The following RNF216 variants were observed in gnomAD, a reference collection of about 807,000 sequenced individuals.
The protein encoded by RNF216 is E3 ubiquitin-protein ligase RNF216.
In RNF216, 72 loss-of-function variants were observed where a neutral mutation model predicts 110.8. The ratio of observed to expected loss-of-function variants is 0.65; its 90% CI spans 0.54 to 0.79. The LOEUF is 0.79. RNF216 is among the 30% of genes least tolerant of loss of function. The pLI is 0.00. For missense variants in RNF216, 1,342 were observed against 1,141.2 expected (o/e 1.18, Z -2.54); for synonymous variants, 495 against 407.5 (o/e 1.21, Z -2.59).
At chr7:5,647,404 G>T (rs1224684203) in intron 14 of RNF216, among the ~76,000 whole-genome samples, 1 of 145,926 alleles carries the variant, frequency 6.9e-6, no homozygotes, top group Non-Finnish European at 1.5e-5. Flanking sequence ...TACAATCATG[G>T]CTTACTGCGG....
Position 5,751,756 on chromosome 7 carries a change from C to T in RNF216, c.201+1090G>A, listed in dbSNP as rs1795337194. On this transcript the variant is annotated intron_variant, in intron 3 of 16. Coordinates refer to ENST00000389902, the MANE Select transcript of RNF216 (RefSeq NM_207111.4). ...ACTTCTCCTCAGCTCAGTGGAACAC[C>T]TACTGAATTTTATGGAAGGAAGTGT... is the stretch of plus-strand genomic sequence containing the variant. 2.8e-5 allele frequency among the ~76,000 whole-genome samples: 4 copies of T among 142,626 alleles called. No homozygotes were observed. The South Asian group carries it at 6.7e-4, about 24-fold the overall frequency. 93.6% of individuals were successfully genotyped at this position (142,626 alleles called of 152,430 possible).
intron 1 of RNF216, among the ~76,000 whole-genome samples, chr7:5,764,758 A>C (rs922073690): frequency 6.6e-6 from 1 of 152,150 alleles, no homozygotes; most frequent in Non-Finnish European, 1.5e-5. Context: ...ATGATCCCTT[A>C]AATTCTTTTT....
chr7:5,680,009 G>A lies in RNF216; in HGVS notation c.2062-27499C>T, dbSNP rs1790547462. 6.6e-6 allele frequency among the ~76,000 whole-genome samples: 1 copy of A among 152,162 alleles called. No individual in the cohort carries two copies. Among genetic ancestry groups the A allele is most frequent in the African/African-American group, 2.4e-5 (1 of 41,426 alleles). On this transcript the variant is annotated intron_variant, in intron 13 of 16. Coordinates refer to ENST00000389902, the MANE Select transcript of RNF216 (RefSeq NM_207111.4). This position sits in a 1 kb window ranked among gnomAD's most constrained non-coding sequence, Gnocchi z 4.3. ...GGGATCATTACATCCTCAGTCCTCT[G>A]CTACCAGAATAATCATGTGACAAGC...
intron 13 of RNF216, among the ~76,000 whole-genome samples, chr7:5,690,365 T>C (rs942319934): frequency 6.6e-6 from 1 of 152,028 alleles, no homozygotes; most frequent in African/African-American, 2.4e-5. Context: ...TCCTTTTTAC[T>C]TCCTGTTTCT....
rs1055145282 is a variant in RNF216 at position 5,684,552 on chromosome 7, C to T, written c.2061+27209G>A. 3.9e-5 allele frequency among the ~76,000 whole-genome samples: 6 copies of T among 152,200 alleles called. No homozygotes were observed. The East Asian group carries it at 1.2e-3, about 29-fold the overall frequency. ...GCCTGGCCCCATGCAGTTCGATGTTCCCTGGGGTTGCTGGAAATCAAGTCT... is the reference window on the plus strand; with the variant it reads ...GCCTGGCCCCATGCAGTTCGATGTTTCCTGGGGTTGCTGGAAATCAAGTCT... On this transcript the variant is annotated intron_variant, in intron 13 of 16. Transcript: ENST00000389902.
chr7:5,701,714 T>C (rs910652192), intron 13 of RNF216, among the ~76,000 whole-genome samples: 9 of 152,180 alleles, frequency 5.9e-5, no homozygotes, highest in Non-Finnish European at 7.3e-5. Flanking sequence ...AGCTATACCG[T>C]TTCCCTCACT....
chr7:5,662,258 G>C (rs564246329), intron 13 of RNF216, among the ~76,000 whole-genome samples: 45 of 152,340 alleles, frequency 3.0e-4, no homozygotes, highest in African/African-American at 1.0e-3. Context: ...CTGGACACGT[G>C]TGAGGAAGTA....
Position 5,725,311 on chromosome 7 carries a change from C to A in RNF216, c.1504+13G>T, listed in dbSNP as rs548618558. On this transcript the variant is annotated intron_variant, in intron 8 of 16. Coordinates refer to ENST00000389902, the MANE Select transcript of RNF216 (RefSeq NM_207111.4). ...TTGCAGCTACACACTGCCACCAACA[C>A]AGTTTGCATTACCTTGTTCAAACTT... The A allele has an allele frequency of 7.0e-7, 1 of 1,435,452 alleles. No individual in the cohort carries two copies. Among genetic ancestry groups the A allele is most frequent in the South Asian group, 1.1e-5 (1 of 87,302 alleles). The allele number at this position is 1,435,452 out of a possible 1,614,324, so 88.9% of individuals were successfully genotyped here.
Position 5,730,738 on chromosome 7 carries a change from G to A in RNF216, c.1201C>T (p.Leu401=), listed in dbSNP as rs1249775113. The A allele has an allele frequency of 1.2e-6, 2 of 1,609,050 alleles. No homozygotes were observed. The highest frequency in any genetic ancestry group is 1.7e-5 in the Admixed American group (1 of 59,460). The change falls in exon 6 of 17, where the codon CTG becomes TTG. Residue 401 remains leucine (L), a synonymous_variant. Coordinates refer to ENST00000389902, the MANE Select transcript of RNF216 (RefSeq NM_207111.4). ...GCCTTTGTCTCATCTTGGCTGGCCAGCAGACTGCTACTGGGATTTATAATG... is the reference window on the plus strand; with the variant it reads ...GCCTTTGTCTCATCTTGGCTGGCCAACAGACTGCTACTGGGATTTATAATG... The part of the protein sequence containing the change: ...RIIINPSSSL[L]ASQDETKLPK...
chr7:5,697,324 CTCTT>C (rs1791693090), intron 13 of RNF216, among the ~76,000 whole-genome samples: 1 of 152,252 alleles, frequency 6.6e-6, no homozygotes, highest in African/African-American at 2.4e-5. Context: ...GTTGCCCTTT[CTCTT>C]TCTTACTCCC....
chr7:5,705,645 C>T lies in RNF216; in HGVS notation c.2061+6116G>A, dbSNP rs576718096. 5.3e-5 allele frequency among the ~76,000 whole-genome samples: 8 copies of T among 152,212 alleles called. No individual in the cohort carries two copies. The South Asian group carries it at 1.5e-3, about 28-fold the overall frequency. On this transcript the variant is annotated intron_variant, in intron 13 of 16. Coordinates refer to ENST00000389902, the MANE Select transcript of RNF216 (RefSeq NM_207111.4). ...CTGCGGTAGGCTGGGCACGGTGGCT[C>T]ACCCTGTAATCCCAGCACTTTGGGA...
At chr7:5,638,616 C>T (rs1009283565) in intron 15 of RNF216, among the ~76,000 whole-genome samples, 3 of 149,622 alleles carry the variant, frequency 2.0e-5, no homozygotes, top group African/African-American at 4.9e-5. Flanking sequence ...AGATTGTGGC[C>T]AGGTAGAAAA....
At chr7:5,674,152 C>T (rs555834431) in intron 13 of RNF216, among the ~76,000 whole-genome samples, 1 of 152,066 alleles carries the variant, frequency 6.6e-6, no homozygotes, top group East Asian at 1.9e-4. Flanking sequence ...GCCTCAGCCT[C>T]CTGAATAGCT....
chr7:5,750,382 T>A (rs191481604), intron 3 of RNF216, among the ~76,000 whole-genome samples: 1 of 152,324 alleles, frequency 6.6e-6, no homozygotes. Context: ...CAAATTTAAA[T>A]ATGTGCTTTC....
chr7:5,766,911 G>C (rs897267395), intron 1 of RNF216: 1 of 152,210 alleles, frequency 6.6e-6, no homozygotes, highest in African/African-American at 2.4e-5. Context: ...GCTGTATAAT[G>C]ATAATGTCCT....
intron 13 of RNF216, among the ~76,000 whole-genome samples, chr7:5,655,235 C>T (rs577422328): frequency 9.2e-5 from 14 of 152,302 alleles, no homozygotes; most frequent in East Asian, 5.8e-4. Context: ...TCACCCTCTA[C>T]GTCACAGTGC....
At chr7:5,760,025 G>A (rs1795849552) in intron 2 of RNF216, among the ~76,000 whole-genome samples, 1 of 152,086 alleles carries the variant, frequency 6.6e-6, no homozygotes, top group South Asian at 2.1e-4. Flanking sequence ...GAGAAAACCA[G>A]TATAACCTCT....
chr7:5,727,665 G>GT (rs1793842445), intron 7 of RNF216, among the ~76,000 whole-genome samples: 2 of 152,234 alleles, frequency 1.3e-5, no homozygotes, highest in South Asian at 4.2e-4. Context: ...CCAGGTCAAG[G>GT]TTGCAATAAG....
intron 1 of RNF216, among the ~76,000 whole-genome samples, chr7:5,776,015 A>G (rs551593537): frequency 2.0e-5 from 3 of 152,266 alleles, no homozygotes; most frequent in African/African-American, 7.2e-5. Flanking sequence ...TTCAAATACC[A>G]GTTGCTCATC....
Sources: allele counts gnomAD v4.1 joint callset (sites outside exome capture counted in the v4.1 genomes callset), GRCh38; gene constraint gnomAD v4.1.1; non-coding constraint Gnocchi (gnomAD v3.1); transcripts MANE v1.5; gene names NCBI Gene and HGNC (gene_info 2026-07-23, HGNC 2026-07-21).